Variants in LSS observed in about 807,000 individuals in gnomAD.
The protein encoded by LSS is 2,3-epoxysqualene-lanosterol cyclase.
In LSS, 90 loss-of-function variants were observed where a neutral mutation model predicts 110.3. The observed-to-expected ratio is 0.82, with a 90% confidence interval of 0.69 to 0.97. The LOEUF is 0.97. Among genes scored for constraint, LSS ranks in the 50% least tolerant of loss-of-function variants. The pLI is 0.00. For synonymous variants in LSS, 433 were observed against 400.0 expected (o/e 1.08, Z -0.98); for missense variants, 927 against 990.0 (o/e 0.94, Z 0.85).
intron 19 of LSS, among the ~76,000 whole-genome samples, chr21:46,195,471 A>T (rs1261334359): frequency 6.6e-6 from 1 of 152,198 alleles, no homozygotes; most frequent in Admixed American, 6.5e-5. Flanking sequence ...GCTACTCGGG[A>T]GGATCGCTTG....
intron 11 of LSS, 24 bp downstream of exon 11, chr21:46,213,001 C>A: frequency 6.2e-7 from 1 of 1,613,826 alleles, no homozygotes; most frequent in Non-Finnish European, 8.5e-7. Flanking sequence ...AGGAAGCATG[C>A]AGCCGCAGTC....
intron 8 of LSS, 23 bp downstream of exon 8, chr21:46,215,662 C>A: frequency 6.5e-7 from 1 of 1,547,434 alleles, no homozygotes; most frequent in Non-Finnish European, 8.9e-7. Context: ...GGCTGCCCTG[C>A]CGGCCCCTCA....
intron 20 of LSS, chr21:46,193,543 T>C: frequency 2.3e-6 from 1 of 440,602 alleles, no homozygotes; most frequent in South Asian, 1.6e-5. Context: ...CCTACGTCTG[T>C]GTGTGGCACA....
chr21:46,223,412 G>A (rs532637965), intron 3 of LSS, among the ~76,000 whole-genome samples: 22 of 152,180 alleles, frequency 1.4e-4, no homozygotes, highest in Middle Eastern at 3.4e-3. Flanking sequence ...AGGTCTCAGG[G>A]CAGACCCCAG....
At chr21:46,228,679 C>A in intron 1 of LSS, 53 bp downstream of exon 1, 1 of 1,601,404 alleles carries the variant, frequency 6.2e-7, no homozygotes, top group East Asian at 2.2e-5. Flanking sequence ...GCGCTCTCCT[C>A]AGCACCTAGG....
intron 9 of LSS, 36 bp downstream of exon 9, chr21:46,215,144 A>G (rs768557020): frequency 3.2e-6 from 5 of 1,564,996 alleles, no homozygotes; most frequent in African/African-American, 2.7e-5. Context: ...CTCAACCCCC[A>G]GGGGCTGCAG....
At chr21:46,213,180 G>C in intron 10 of LSS, 128 bp from the exon 11 acceptor site, 1 of 848,816 alleles carries the variant, frequency 1.2e-6, no homozygotes, top group Admixed American at 2.0e-5. Context: ...GCACTGGCCT[G>C]GATGCCACCC....
rs370588649 is a variant in LSS, at chr21:46,219,431, G to A, written c.647+45C>T. On this transcript the variant is annotated intron_variant, in intron 6 of 21. Transcript: ENST00000397728. The stretch of plus-strand genomic sequence containing the variant: ...CACGGTCCCTGTCACTCTACTCCCC[G>A]GGACAGCAGCAGCGACCCAACAACC... 977 of 1,394,440 alleles carry A rather than the reference G, an allele frequency of 7.0e-4. 3 individuals carry two copies. The highest frequency in any genetic ancestry group is 8.5e-4 in the Non-Finnish European group (870 of 1,028,226). The allele number at this position is 1,394,440 out of a possible 1,614,324, so 86.4% of individuals were successfully genotyped here.
rs1356186258 is a variant in LSS, at chr21:46,213,852, C to T, written c.1012-17G>A. Reference sequence around the variant, plus strand: ...TTTCGAGATCTGCAGGAGAGACAGCCCTGTCAAGGCTCCGCTCCAGACCCA... The same window carrying T: ...TTTCGAGATCTGCAGGAGAGACAGCTCTGTCAAGGCTCCGCTCCAGACCCA... On this transcript the variant is annotated splice_polypyrimidine_tract_variant and intron_variant, in intron 9 of 21. Coordinates refer to ENST00000397728, the MANE Select transcript of LSS (RefSeq NM_002340.6). 6.3e-7 allele frequency: 1 copy of T among 1,592,384 alleles called. No homozygotes were observed. Among genetic ancestry groups the T allele is most frequent in the Non-Finnish European group, 8.6e-7 (1 of 1,161,674 alleles).
In LSS at chr21:46,221,745, T is replaced by C. The variant is rs2080281591; in HGVS notation, c.550+109A>G. On this transcript the variant is annotated intron_variant, in intron 5 of 21. Coordinates refer to ENST00000397728, the MANE Select transcript of LSS (RefSeq NM_002340.6). ...TTTGACAAATTCCCTGCTCATGTGCTTTTGCCCACTGTTTCAGCTGCAAGT... is the reference window on the plus strand; with the variant it reads ...TTTGACAAATTCCCTGCTCATGTGCCTTTGCCCACTGTTTCAGCTGCAAGT... The C allele has an allele frequency of 6.7e-6, 10 of 1,500,302 alleles. No homozygotes were observed. The East Asian group carries it at 2.3e-4, about 34-fold the overall frequency. The allele number at this position is 1,500,302 out of a possible 1,614,324, so 92.9% of individuals were successfully genotyped here.
chr21:46,221,817 C>A lies in LSS; in HGVS notation c.550+37G>T, dbSNP rs186119624. The A allele has an allele frequency of 8.7e-6, 14 of 1,612,532 alleles. No homozygotes were observed. In the South Asian group the frequency reaches 1.3e-4, roughly 15 times the overall value. ...GTGAGAGCTCATTATCGAGTTGACA[C>A]GAACCCCTGGCCCAGCACATGCTGC... On this transcript the variant is annotated intron_variant, in intron 5 of 21. Coordinates refer to ENST00000397728, the MANE Select transcript of LSS (RefSeq NM_002340.6).
At position 46,213,265 on chromosome 21, in the gene LSS, ACACCCAAGGC is replaced by A. The variant is rs2080157361; in HGVS notation, c.1110-223_1110-214del. Reference sequence around the variant, plus strand: ...CAGGACACACTCACCCAGAAGGGCCACACCCAAGGCAAGGGGCAGCGGGAGGCTCCCCGAC... The same window carrying A: ...CAGGACACACTCACCCAGAAGGGCCAAAGGGGCAGCGGGAGGCTCCCCGAC... On this transcript the variant is annotated intron_variant, in intron 10 of 21. Transcript: ENST00000397728. Among the ~76,000 whole-genome samples, 6 of 152,312 alleles carry A rather than the reference ACACCCAAGGC, an allele frequency of 3.9e-5. No homozygotes were observed. In the South Asian group the frequency reaches 1.2e-3, roughly 32 times the overall value.
rs776099269 is a variant in LSS, at chr21:46,221,971, T to C, written c.433A>G (p.Ile145Val). 1.2e-6 allele frequency: 2 copies of C among 1,614,190 alleles called. No individual in the cohort carries two copies. Among genetic ancestry groups the C allele is most frequent in the South Asian group, 1.1e-5 (1 of 91,086 alleles). ...QLPDGGWGLHIEDKSTVFGTA... is the reference protein window; with the variant it reads ...QLPDGGWGLHVEDKSTVFGTA... The stretch of plus-strand genomic sequence containing the variant: ...CCAAACACGGTGGACTTATCCTCAA[T>C]GTGCCTACAGGAGCAGAGGACAGGT... The change falls in exon 5 of 22, where the codon ATT (isoleucine) becomes GTT (valine). Residue 145 changes from isoleucine to valine, a missense_variant. Physicochemically the swap from Ile to Val is conservative, Grantham distance 29. Transcript: ENST00000397728.
chr21:46,208,360 A>G (rs1055696641), intron 13 of LSS, 59 bp from the exon 14 acceptor site: 66 of 1,383,154 alleles, frequency 4.8e-5, no homozygotes, highest in Non-Finnish European at 6.2e-5. Flanking sequence ...GGACGTCCCC[A>G]TCTGGGACAT....
In LSS at chr21:46,213,768, T is replaced by A; in HGVS notation, c.1079A>T (p.Glu360Val). 1 of 1,614,048 alleles carries A rather than the reference T, an allele frequency of 6.2e-7. No individual in the cohort carries two copies. The highest frequency in any genetic ancestry group is 8.5e-7 in the Non-Finnish European group (1 of 1,179,988). ...ATAGTCCGGGATTCTGGAGACATGC[T>A]CCTGGAAGGCAGTGGAGGCGGGCCC... is the stretch of plus-strand genomic sequence containing the variant. ...VDGPASTAFQ[E>V]HVSRIPDYLW... Residue 360 changes from glutamate (E) to valine (V), a missense_variant, in exon 10 of 22, where the codon GAG becomes GTG. Coordinates refer to ENST00000397728, the MANE Select transcript of LSS (RefSeq NM_002340.6).
At chr21:46,222,360 T>G (rs1302235003) in intron 4 of LSS, 1 of 550,022 alleles carries the variant, frequency 1.8e-6, no homozygotes, top group African/African-American at 1.9e-5. Flanking sequence ...TTCTTCTGCC[T>G]TAAGTGATAA....
Position 46,216,508 on chromosome 21 carries a change from C to T in LSS, c.664G>A (p.Ala222Thr), listed in dbSNP as rs1473093441. 4 of 1,606,038 alleles carry T rather than the reference C, an allele frequency of 2.5e-6. No homozygotes were observed. Among genetic ancestry groups the T allele is most frequent in the Non-Finnish European group, 3.4e-6 (4 of 1,174,496 alleles). Residue 222 changes from alanine (A) to threonine (T), a missense_variant, in exon 7 of 22, where the codon GCA becomes ACA. Ala to Thr is a moderately conservative substitution (Grantham distance 58). Transcript: ENST00000397728. This position sits in a 1 kb window ranked among gnomAD's most constrained non-coding sequence, Gnocchi z 4.2. ...FPEMWLFPDW[A>T]PAHPSTLWCH... ...CAGAGTGTGGAGGGGTGTGCCGGTG[C>T]CCAGTCAGGAAACAGCCTGGGGCAA...
chr21:46,214,134 G>C (rs2080169851), intron 9 of LSS, among the ~76,000 whole-genome samples: 1 of 152,222 alleles, frequency 6.6e-6, no homozygotes, highest in South Asian at 2.1e-4. Flanking sequence ...GAAACCAGAG[G>C]GGCATGGGCT....
At chr21:46,205,684 T>C (rs2123719209) in intron 17 of LSS, 152 bp downstream of exon 17, 1 of 619,570 alleles carries the variant, frequency 1.6e-6, no homozygotes, top group Non-Finnish European at 2.9e-6. Flanking sequence ...TTAGGGCATA[T>C]GACTGGATTC....
Sources: gnomAD v4.1 joint callset for allele counts (sites outside exome capture counted in the v4.1 genomes callset) on GRCh38, gnomAD v4.1.1 for gene constraint, Gnocchi (gnomAD v3.1) non-coding constraint, MANE v1.5 for transcripts, NCBI Gene and HGNC (gene_info 2026-07-23, HGNC 2026-07-21) for gene names.